The following NCKAP1 variants were observed in gnomAD, a reference collection of about 807,000 sequenced individuals.
NCKAP1 encodes the protein nck-associated protein 1.
Under a neutral mutation model 151.2 loss-of-function variants are expected in NCKAP1, and 21 were observed. That is an observed-to-expected ratio of 0.14 (90% CI 0.10 to 0.20). The LOEUF (loss-of-function observed/expected upper bound fraction) is 0.20, where lower values mean the gene tolerates loss of function less well. NCKAP1 is among the 10% of genes least tolerant of loss of function. The probability of loss-of-function intolerance (pLI) is 1.00; values close to 1 mark genes in which losing one functional copy is unlikely to be tolerated. For missense variants in NCKAP1, 933 were observed against 1,352.1 expected (o/e 0.69, Z 4.86); for synonymous variants, 484 against 451.8 (o/e 1.07, Z -0.90).
intron 12 of NCKAP1, among the ~76,000 whole-genome samples, chr2:182,982,524 T>G (rs1029585214): frequency 3.3e-5 from 5 of 152,164 alleles, no homozygotes; most frequent in African/African-American, 1.2e-4. Flanking sequence ...TATGATACTC[T>G]CTCATGATGC....
chr2:182,987,152 G>A (rs1275346556), intron 9 of NCKAP1, among the ~76,000 whole-genome samples: 1 of 152,140 alleles, frequency 6.6e-6, no homozygotes, highest in East Asian at 1.9e-4. Context: ...TGAGGCAGGA[G>A]AATCACTTGA....
intron 23 of NCKAP1, among the ~76,000 whole-genome samples, chr2:182,951,438 G>T (rs1377636748): frequency 2.0e-5 from 3 of 151,484 alleles, no homozygotes; most frequent in Non-Finnish European, 4.4e-5. Flanking sequence ...GGAGGCCGAG[G>T]TGGGTGGATC....
chr2:182,967,241 C>T lies in NCKAP1; in HGVS notation c.1603G>A (p.Glu535Lys). 6.2e-7 allele frequency: 1 copy of T among 1,609,476 alleles called. No individual in the cohort carries two copies. The highest frequency in any genetic ancestry group is 1.1e-5 in the South Asian group (1 of 89,548). The change falls in exon 16 of 31, where the codon GAA becomes AAA. Residue 535 changes from glutamate to lysine, a missense_variant. Physicochemically the swap from Glu to Lys is moderately conservative, Grantham distance 56 (BLOSUM62 1). This residue lies in a region of NCKAP1 where 607 missense variants were observed against 795.0 expected (regional missense o/e 0.76). Coordinates refer to ENST00000361354, the MANE Select transcript of NCKAP1 (RefSeq NM_013436.5). ...CAAAATATGGAGAGATCTGATGTTT[C>T]CACCAACATTTCCACCAAGGAATCT... ...MVDSLVEMLV[E>K]TSDLSIFCFY...
chr2:182,930,868 C>A, intron 26 of NCKAP1, 80 bp from the exon 27 acceptor site: 2 of 1,225,468 alleles, frequency 1.6e-6, no homozygotes, highest in Non-Finnish European at 1.2e-6. Flanking sequence ...TAGAGTCTGC[C>A]TAGAAGAACA....
At chr2:182,936,587 G>A (rs1696880838) in intron 24 of NCKAP1, among the ~76,000 whole-genome samples, 1 of 152,142 alleles carries the variant, frequency 6.6e-6, no homozygotes, top group Non-Finnish European at 1.5e-5. Context: ...TTGAGGAGTA[G>A]GAATAGAGAG....
At chr2:182,982,716 T>G in intron 12 of NCKAP1, 105 bp downstream of exon 12, 1 of 722,276 alleles carries the variant, frequency 1.4e-6, no homozygotes, top group East Asian at 2.8e-5. Flanking sequence ...GAATTTCAAC[T>G]TAACAATATT....
intron 2 of NCKAP1, among the ~76,000 whole-genome samples, chr2:183,004,736 T>C (rs764823954): frequency 2.0e-5 from 3 of 151,722 alleles, no homozygotes; most frequent in Non-Finnish European, 4.4e-5. Flanking sequence ...ATACAAAAAT[T>C]AGCTGGGCAT....
At chr2:183,026,876 AATG>A (rs1415502209) in intron 1 of NCKAP1, among the ~76,000 whole-genome samples, 3 of 152,220 alleles carry the variant, frequency 2.0e-5, no homozygotes, top group Non-Finnish European at 4.4e-5. Flanking sequence ...TAATAGCTAT[AATG>A]ATGATAATAA....
At chr2:182,955,438 AG>A in intron 20 of NCKAP1, among the ~76,000 whole-genome samples, 1 of 152,284 alleles carries the variant, frequency 6.6e-6, no homozygotes, top group Middle Eastern at 3.4e-3. Context: ...CTTCAGAAAA[AG>A]GTTAAAACAA....
At chr2:183,007,310 G>A (rs1478184386) in intron 2 of NCKAP1, among the ~76,000 whole-genome samples, 3 of 151,996 alleles carry the variant, frequency 2.0e-5, no homozygotes, top group Non-Finnish European at 4.4e-5. Context: ...TGTAAAAACT[G>A]GAAATAAACA....
In NCKAP1 at chr2:182,960,484, T is replaced by G. The variant is rs972090833; in HGVS notation, c.1881+1675A>C. ...CTGAGAAAAACAAGCAATGGGGAAA[T>G]GATTCCCTATTTAATAAATGGTGCT... On this transcript the variant is annotated intron_variant, in intron 18 of 30. Transcript: ENST00000361354. 4.8e-3 allele frequency among the ~76,000 whole-genome samples: 729 copies of G among 152,080 alleles called. 8 individuals carry two copies. Among genetic ancestry groups the G allele is most frequent in the African/African-American group, 0.016 (683 of 41,496 alleles).
At chr2:182,963,755 G>T (rs1559084349) in intron 17 of NCKAP1, among the ~76,000 whole-genome samples, 1 of 151,990 alleles carries the variant, frequency 6.6e-6, no homozygotes, top group Non-Finnish European at 1.5e-5. Context: ...ATACATCTCA[G>T]GTGTCAAGTT....
chr2:182,936,454 A>G (rs1467075590), intron 24 of NCKAP1, among the ~76,000 whole-genome samples: 1 of 152,212 alleles, frequency 6.6e-6, no homozygotes, highest in African/African-American at 2.4e-5. Context: ...TGTCATGAAA[A>G]CTAAGAAATA....
At chr2:182,944,640 C>T (rs151266807) in intron 23 of NCKAP1, among the ~76,000 whole-genome samples, 11 of 152,268 alleles carry the variant, frequency 7.2e-5, no homozygotes, top group African/African-American at 2.2e-4. Context: ...TATAAAAAAG[C>T]TCTACTTCTT....
intron 24 of NCKAP1, among the ~76,000 whole-genome samples, chr2:182,935,750 T>TG (rs1475552295): frequency 1.3e-5 from 2 of 150,992 alleles, no homozygotes; most frequent in Non-Finnish European, 1.5e-5. Flanking sequence ...CGAGACTAGA[T>TG]GAGAAAGAAG....
At chr2:182,985,800 CAAA>C (rs79099011) in intron 10 of NCKAP1, among the ~76,000 whole-genome samples, 3 of 69,612 alleles carry the variant, frequency 4.3e-5, no homozygotes, top group Non-Finnish European at 2.7e-5. Flanking sequence ...GAGACTGTCT[CAAA>C]AAAAAAAAAA....
intron 8 of NCKAP1, among the ~76,000 whole-genome samples, chr2:182,993,975 T>C (rs1698218561): frequency 6.6e-6 from 1 of 152,202 alleles, no homozygotes; most frequent in Non-Finnish European, 1.5e-5. Context: ...TCTACAATTA[T>C]TTCAACTTTC....
chr2:182,925,904 T>C (rs1287119616), intron 30 of NCKAP1, 86 bp from the exon 31 acceptor site: 1 of 619,372 alleles, frequency 1.6e-6, no homozygotes, highest in Non-Finnish European at 2.7e-6. Flanking sequence ...ATGGGAACAT[T>C]TATTGACAAC....
intron 1 of NCKAP1, among the ~76,000 whole-genome samples, chr2:183,031,440 T>C (rs12611998): frequency 0.11 from 16,560 of 152,216 alleles, 1,349 homozygotes; most frequent in African/African-American, 0.22. Context: ...AGGACTACTG[T>C]GGAACACATA....
Sources: allele counts gnomAD v4.1 joint callset (sites outside exome capture counted in the v4.1 genomes callset), GRCh38; gene constraint gnomAD v4.1.1; regional missense constraint gnomAD v4.1.1; transcripts MANE v1.5; gene names NCBI Gene and HGNC (gene_info 2026-07-23, HGNC 2026-07-21).